PSMB8: variants seen among roughly 807,000 people sequenced by gnomAD.
PSMB8 encodes proteasome 20S subunit beta 8, also known as proteasome subunit beta type-8.
In PSMB8, 20 loss-of-function variants were observed where a neutral mutation model predicts 32.3. The observed-to-expected ratio is 0.62, with a 90% CI of 0.44 to 0.90. The LOEUF (loss-of-function observed/expected upper bound fraction) is 0.90, where lower values mean the gene tolerates loss of function less well. PSMB8 is among the 40% of genes least tolerant of loss of function. PSMB8 has a pLI of 0.00. For synonymous variants in PSMB8, 131 were observed against 135.4 expected (o/e 0.97, Z 0.23); for missense variants, 342 against 365.4 (o/e 0.94, Z 0.52).
At chr6:32,843,771 C>A (rs1156738050) in intron 1 of PSMB8, 79 bp downstream of exon 1, 16 of 1,572,978 alleles carry the variant, frequency 1.0e-5, no homozygotes, top group Non-Finnish European at 1.7e-6. Flanking sequence ...CTCCCGCTCT[C>A]GCCTCCTCCT....
Position 32,842,048 on chromosome 6 carries a change from G to A in PSMB8, c.537+86C>T, listed in dbSNP as rs968511691. ...CTCTATATGCCATGCATCTTGTCAG[G>A]GAGGGAGTAGGAGTATATGATGGGA... On this transcript the variant is annotated intron_variant, in intron 4 of 5. Transcript: ENST00000374882. The A allele has an allele frequency of 1.0e-5, 16 of 1,598,844 alleles. No homozygotes were observed. The African/African-American group carries it at 2.0e-4, about 20-fold the overall frequency.
chr6:32,843,285 C>A (rs988822513), intron 1 of PSMB8, among the ~76,000 whole-genome samples, 196 bp from the exon 2 acceptor site: 2 of 152,166 alleles, frequency 1.3e-5, no homozygotes, highest in African/African-American at 4.8e-5. Flanking sequence ...CAGTATCAAC[C>A]TTTTCCATTT....
rs1769852818 is a variant in PSMB8, at chr6:32,840,845, A to G, written c.*114T>C. The G allele has an allele frequency of 1.2e-6, 1 of 857,540 alleles. No homozygotes were observed. The highest frequency in any genetic ancestry group is 2.0e-6 in the Non-Finnish European group (1 of 510,914). The allele number at this position is 857,540 out of a possible 1,614,324, so 53.1% of individuals were successfully genotyped here. A position where few individuals can be genotyped will look rare whatever the true frequency, so the allele number is the denominator to read the frequency against. Reference sequence around the variant, plus strand: ...GGCCTCCTCTGGCTGCTGAGCCCGTACTCTCTCTTTGGCTCAGGCTAGGCC... The same window carrying G: ...GGCCTCCTCTGGCTGCTGAGCCCGTGCTCTCTCTTTGGCTCAGGCTAGGCC... On this transcript the variant is annotated 3_prime_UTR_variant, in exon 6 of 6. Coordinates refer to ENST00000374882, the MANE Select transcript of PSMB8 (RefSeq NM_148919.4).
chr6:32,843,044 C>T lies in PSMB8; in HGVS notation c.193G>A (p.Val65Ile), dbSNP rs940695600. ...GTGCCATGGGCCATCTCAATCTGAA[C>T]GTTCCTTTCTCCGTCCCCACCCAGG... ...QSLGGDGERN[V>I]QIEMAHGTTT... The change falls in exon 2 of 6, where the codon GTT (valine) becomes ATT (isoleucine). Residue 65 changes from valine to isoleucine, a missense_variant. Coordinates refer to ENST00000374882, the MANE Select transcript of PSMB8 (RefSeq NM_148919.4). The T allele has an allele frequency of 6.2e-6, 10 of 1,612,960 alleles. No individual in the cohort carries two copies. The highest frequency in any genetic ancestry group is 2.2e-5 in the East Asian group (1 of 44,902).
At chr6:32,842,048 G>C in intron 4 of PSMB8, 86 bp downstream of exon 4, 1 of 1,598,962 alleles carries the variant, frequency 6.3e-7, no homozygotes. Flanking sequence ...ATCTTGTCAG[G>C]GAGGGAGTAG....
Position 32,843,086 on chromosome 6 carries a change from TGGG to T in PSMB8, c.148_150del (p.Pro50del). 1 of 1,613,020 alleles carries T rather than the reference TGGG, an allele frequency of 6.2e-7. No homozygotes were observed. Among genetic ancestry groups the T allele is most frequent in the Non-Finnish European group, 8.5e-7 (1 of 1,180,018 alleles). ...CCACCCAGGGACTGGAAGAATTCTG[TGGG>T]CTGATAAGAGAAAAGAGGTTGAGAA... On this transcript the variant is annotated inframe_deletion and splice_region_variant, in exon 2 of 6. Coordinates refer to ENST00000374882, the MANE Select transcript of PSMB8 (RefSeq NM_148919.4).
chr6:32,842,974 A>T lies in PSMB8; in HGVS notation c.263T>A (p.Val88Glu). The change falls in exon 2 of 6, where the codon GTG (valine) becomes GAG (glutamate). Residue 88 changes from valine to glutamate, a missense_variant. Physicochemically the swap from Val to Glu is moderately radical, Grantham distance 121 (BLOSUM62 -2). Coordinates refer to ENST00000374882, the MANE Select transcript of PSMB8 (RefSeq NM_148919.4). ...GGACCCAGCTGAGGCCCGAGAATCC[A>T]CTGCTGCAATCACTCCATGCTGGAA... ...FKFQHGVIAA[V>E]DSRASAGSYI... 1.9e-6 allele frequency: 3 copies of T among 1,613,264 alleles called. No homozygotes were observed. The highest frequency in any genetic ancestry group is 2.5e-6 in the Non-Finnish European group (3 of 1,180,042).
chr6:32,841,686 T>C lies in PSMB8; in HGVS notation c.587A>G (p.Asn196Ser). 1 of 1,612,886 alleles carries C rather than the reference T, an allele frequency of 6.2e-7. No individual in the cohort carries two copies. Reference sequence around the variant, plus strand: ...GTTCCCACTACCCGTGGAGAACATATTTCCTGAGAGCCGAGTCCCATGTTC... The same window carrying C: ...GTTCCCACTACCCGTGGAGAACATACTTCCTGAGAGCCGAGTCCCATGTTC... The part of the protein sequence containing the change: ...VDEHGTRLSG[N>S]MFSTGSGNTY... Residue 196 changes from asparagine to serine, a missense_variant, in exon 5 of 6, where the codon AAT (asparagine) becomes AGT (serine). Transcript: ENST00000374882.
chr6:32,841,398 C>T (rs1392579627), intron 5 of PSMB8, 133 bp downstream of exon 5: 42 of 933,830 alleles, frequency 4.5e-5, no homozygotes, highest in South Asian at 1.5e-4. Flanking sequence ...TCACCACGTC[C>T]GGCTAATTTT....
At chr6:32,844,419 T>C (rs1222469367), upstream of PSMB8, 4 of 1,613,648 alleles carry the variant, frequency 2.5e-6, no homozygotes, top group Non-Finnish European at 3.4e-6. Context: ...AGCATCACTT[T>C]ACAAAACCAG....
At position 32,842,802 on chromosome 6, in the gene PSMB8, T is replaced by G; in HGVS notation, c.296-19A>C. On this transcript the variant is annotated intron_variant, in intron 2 of 5. Coordinates refer to ENST00000374882, the MANE Select transcript of PSMB8 (RefSeq NM_148919.4). Reference sequence around the variant, plus strand: ...AAGGCACCTGGAAGAAGATGGAGCTTTGGGAGAGAAGGGATGACCCCATAG... The same window carrying G: ...AAGGCACCTGGAAGAAGATGGAGCTGTGGGAGAGAAGGGATGACCCCATAG... 1 of 1,611,212 alleles carries G rather than the reference T, an allele frequency of 6.2e-7. No individual in the cohort carries two copies. Among genetic ancestry groups the G allele is most frequent in the Non-Finnish European group, 8.5e-7 (1 of 1,177,396 alleles).
chr6:32,844,512 G>T (rs1411946780), upstream of PSMB8: 13 of 1,459,512 alleles, frequency 8.9e-6, no homozygotes, highest in Non-Finnish European at 1.1e-5. Flanking sequence ...GCGTGTAGGG[G>T]AAGGCGGCGC....
intron 4 of PSMB8, 196 bp from the exon 5 acceptor site, chr6:32,841,931 A>G: frequency 9.9e-7 from 1 of 1,014,608 alleles, no homozygotes; most frequent in Non-Finnish European, 1.5e-6. Context: ...ACTGTTTAAC[A>G]AAAGGGACAA....
chr6:32,842,529 G>C, intron 3 of PSMB8, 143 bp downstream of exon 3: 1 of 901,320 alleles, frequency 1.1e-6, no homozygotes, highest in South Asian at 1.4e-5. Context: ...TTGGGAGAAG[G>C]GTCTTATCAC....
At position 32,844,040 on chromosome 6, in the gene PSMB8, G is replaced by A. The variant is rs754656766; in HGVS notation, c.-44C>T. The A allele has an allele frequency of 2.6e-5, 42 of 1,601,574 alleles. No individual in the cohort carries two copies. Among genetic ancestry groups the A allele is most frequent in the Non-Finnish European group, 3.5e-5 (41 of 1,172,836 alleles). ...GATCTGTCCGCTCTCGGAGGAGGAA[G>A]TGAAAGCGAAAGCCACAGATCGAAG... On this transcript the variant is annotated 5_prime_UTR_variant, in exon 1 of 6. Transcript: ENST00000374882.
chr6:32,842,918 G>A (rs530335372), intron 2 of PSMB8, 24 bp downstream of exon 2: 1 of 1,613,730 alleles, frequency 6.2e-7, no homozygotes, highest in Non-Finnish European at 8.5e-7. Flanking sequence ...CCCAGATTCT[G>A]CCTGCTGGAG....
chr6:32,843,930 C>T lies in PSMB8; in HGVS notation c.67G>A (p.Gly23Arg). 6.2e-7 allele frequency: 1 copy of T among 1,612,752 alleles called. No individual in the cohort carries two copies. Among genetic ancestry groups the T allele is most frequent in the Non-Finnish European group, 8.5e-7 (1 of 1,179,934 alleles). ...CCTGGGTCCGAGCGACGCCCGCTTC[C>T]CGCAACCGGGAGAGCCGATTCCGGC... The part of the protein sequence containing the change: ...QRPESALPVA[G>R]SGRRSDPGHY... The change falls in exon 1 of 6, where the codon GGA becomes AGA. Residue 23 changes from glycine (G) to arginine (R), a missense_variant. Transcript: ENST00000374882.
chr6:32,841,400 G>C, intron 5 of PSMB8, 131 bp downstream of exon 5: 1 of 962,684 alleles, frequency 1.0e-6, no homozygotes, highest in East Asian at 2.5e-5. Flanking sequence ...ACCACGTCCG[G>C]CTAATTTTTG....
chr6:32,842,560 T>C (rs960604236), intron 3 of PSMB8, 112 bp downstream of exon 3: 4 of 1,061,794 alleles, frequency 3.8e-6, no homozygotes, highest in Non-Finnish European at 5.8e-6. Flanking sequence ...TTTTGTGAAA[T>C]ATACTATTAG....
Sources: allele counts gnomAD v4.1 joint callset (sites outside exome capture counted in the v4.1 genomes callset), GRCh38; gene constraint gnomAD v4.1.1; transcripts MANE v1.5; gene names NCBI Gene and HGNC (gene_info 2026-07-23, HGNC 2026-07-21).